Variants in CPQ observed in about 807,000 individuals in gnomAD.
CPQ encodes carboxypeptidase Q.
In CPQ, 37 loss-of-function variants were observed where a neutral mutation model predicts 45.7. The ratio of observed to expected loss-of-function variants is 0.81; its 90% CI spans 0.62 to 1.07. The LOEUF (loss-of-function observed/expected upper bound fraction) is 1.07, where lower values mean the gene tolerates loss of function less well. CPQ is among the 50% of genes least tolerant of loss of function. CPQ has a pLI of 0.00. For missense variants in CPQ, 537 were observed against 572.9 expected (o/e 0.94, Z 0.64); for synonymous variants, 186 against 205.8 (o/e 0.90, Z 0.82).
intron 1 of CPQ, among the ~76,000 whole-genome samples, chr8:96,773,904 G>A (rs1342155720): frequency 6.6e-6 from 1 of 152,064 alleles, no homozygotes; most frequent in African/African-American, 2.4e-5. Flanking sequence ...TTAATCCCAG[G>A]CATGAGGACA....
At chr8:97,092,619 A>G (rs1281537235) in intron 7 of CPQ, 2 of 152,244 alleles carry the variant, frequency 1.3e-5, no homozygotes, top group African/African-American at 4.8e-5. Context: ...GACTAGCCAT[A>G]TGCAGAAGAT....
intron 7 of CPQ, among the ~76,000 whole-genome samples, chr8:97,086,492 T>G (rs1359086382): frequency 6.6e-6 from 1 of 152,176 alleles, no homozygotes; most frequent in African/African-American, 2.4e-5. Flanking sequence ...TCTGTTTGAT[T>G]GCAGAGTCTG....
At chr8:96,807,629 G>A (rs1242973708) in intron 2 of CPQ, among the ~76,000 whole-genome samples, 1 of 152,158 alleles carries the variant, frequency 6.6e-6, no homozygotes, top group Admixed American at 6.5e-5. Flanking sequence ...CATGGTAAAT[G>A]CTCTTTGCTC....
chr8:97,063,237 T>C (rs894631256), intron 6 of CPQ, among the ~76,000 whole-genome samples: 1 of 152,234 alleles, frequency 6.6e-6, no homozygotes, highest in African/African-American at 2.4e-5. Flanking sequence ...TCAGTAATAT[T>C]GAGCTTTTTT....
intron 2 of CPQ, among the ~76,000 whole-genome samples, chr8:96,790,537 T>A (rs1327664935): frequency 2.0e-5 from 3 of 152,102 alleles, no homozygotes; most frequent in Non-Finnish European, 4.4e-5. Flanking sequence ...GGTTGGGGAA[T>A]GAGAAACACT....
At chr8:96,909,863 A>G (rs1035945515) in intron 4 of CPQ, among the ~76,000 whole-genome samples, 2 of 152,192 alleles carry the variant, frequency 1.3e-5, no homozygotes, top group Non-Finnish European at 2.9e-5. Flanking sequence ...GGAAAAACTA[A>G]TCAAATTTCA....
chr8:97,079,608 G>A (rs535071081), intron 7 of CPQ, among the ~76,000 whole-genome samples: 1 of 152,138 alleles, frequency 6.6e-6, no homozygotes, highest in Non-Finnish European at 1.5e-5. Context: ...TCACATATAA[G>A]ATGCAGTCCC....
chr8:97,044,753 C>A (rs11998427), intron 6 of CPQ, among the ~76,000 whole-genome samples: 1 of 152,116 alleles, frequency 6.6e-6, no homozygotes, highest in African/African-American at 2.4e-5. Context: ...GGTCCACTCC[C>A]GACCCTGTTT....
chr8:97,004,967 T>C (rs1389994868), intron 5 of CPQ, among the ~76,000 whole-genome samples: 4 of 152,152 alleles, frequency 2.6e-5, no homozygotes, highest in East Asian at 3.9e-4. Context: ...GAAAGAAAAT[T>C]TTTTTATGAA....
At chr8:96,971,831 G>A (rs116690458) in intron 5 of CPQ, among the ~76,000 whole-genome samples, 2,487 of 152,294 alleles carry the variant, frequency 0.016, 64 homozygotes, top group African/African-American at 0.056. Flanking sequence ...TAAACCAGTA[G>A]AAGAATTAGA....
intron 5 of CPQ, among the ~76,000 whole-genome samples, chr8:97,012,669 C>T (rs1212348165): frequency 6.6e-6 from 1 of 152,128 alleles, no homozygotes; most frequent in Non-Finnish European, 1.5e-5. Context: ...TAAATTTTTA[C>T]AAGCTCCTAG....
At chr8:96,845,178 C>G (rs1022370643) in intron 3 of CPQ, among the ~76,000 whole-genome samples, 2 of 152,192 alleles carry the variant, frequency 1.3e-5, no homozygotes, top group African/African-American at 4.8e-5. Flanking sequence ...AGCACTCTCC[C>G]TCAAACTCTC....
At chr8:96,881,258 G>A (rs919235188) in intron 4 of CPQ, among the ~76,000 whole-genome samples, 2 of 152,184 alleles carry the variant, frequency 1.3e-5, no homozygotes, top group African/African-American at 4.8e-5. Context: ...AGGCTGTACA[G>A]GAAGCATGGC....
intron 7 of CPQ, among the ~76,000 whole-genome samples, chr8:97,103,693 T>C (rs1811354526): frequency 6.6e-6 from 1 of 152,100 alleles, no homozygotes; most frequent in African/African-American, 2.4e-5. Flanking sequence ...CCAGGAAAGA[T>C]GGATGGAAAG....
At chr8:96,653,174 T>C (rs1298989110) in intron 1 of CPQ, among the ~76,000 whole-genome samples, 1 of 152,074 alleles carries the variant, frequency 6.6e-6, no homozygotes, top group African/African-American at 2.4e-5. Context: ...AGCAATCTAC[T>C]CTCCTTGGCC....
At chr8:96,823,742 A>G (rs1268464085) in intron 2 of CPQ, among the ~76,000 whole-genome samples, 1 of 152,060 alleles carries the variant, frequency 6.6e-6, no homozygotes, top group Non-Finnish European at 1.5e-5. Flanking sequence ...TGCCTACATT[A>G]TAGGGCTGTC....
chr8:96,973,408 A>C (rs886575175), intron 5 of CPQ, among the ~76,000 whole-genome samples: 4 of 152,198 alleles, frequency 2.6e-5, no homozygotes, highest in African/African-American at 9.6e-5. Context: ...GGCGTTCTCA[A>C]GGAAGAAGAG....
intron 2 of CPQ, among the ~76,000 whole-genome samples, chr8:96,821,786 T>C (rs1025942174): frequency 6.6e-6 from 1 of 152,022 alleles, no homozygotes; most frequent in Non-Finnish European, 1.5e-5. Flanking sequence ...TAAAAATTAA[T>C]TTTTAATTAG....
At chr8:97,076,537 T>C (rs1810849065) in intron 7 of CPQ, among the ~76,000 whole-genome samples, 1 of 152,224 alleles carries the variant, frequency 6.6e-6, no homozygotes, top group African/African-American at 2.4e-5. Context: ...TCTTGTAATC[T>C]GTAGGTTCTA....
Sources: gnomAD v4.1 joint callset for allele counts (sites outside exome capture counted in the v4.1 genomes callset) on GRCh38, gnomAD v4.1.1 for gene constraint, MANE v1.5 for transcripts, NCBI Gene and HGNC (gene_info 2026-07-23, HGNC 2026-07-21) for gene names.